The following CDH6 variants were observed in gnomAD, a reference collection of about 807,000 sequenced individuals.
The protein encoded by CDH6 is cadherin 6.
CDH6 carries 31 observed loss-of-function variants against 78.0 expected under a neutral mutation model. That is an observed-to-expected ratio of 0.40 (90% CI 0.30 to 0.54). The LOEUF (loss-of-function observed/expected upper bound fraction) is 0.54, where lower values mean the gene tolerates loss of function less well. CDH6 is among the 20% of genes least tolerant of loss of function. The pLI, the probability that CDH6 is intolerant of heterozygous loss-of-function variation, is 0.56. For synonymous variants in CDH6, 376 were observed against 368.8 expected, an observed-to-expected ratio of 1.02 and a Z score of -0.23; for missense variants, 724 against 975.9, an observed-to-expected ratio of 0.74 and a Z score of 3.44.
chr5:31,284,256 AC>A (rs779981752), intron 2 of CDH6, among the ~76,000 whole-genome samples: 13 of 152,248 alleles, frequency 8.5e-5, no homozygotes, highest in Non-Finnish European at 8.8e-5. Context: ...TCATTTTTCC[AC>A]CCCAGCTATC....
In CDH6 at chr5:31,293,990, G is replaced by A; in HGVS notation, c.257G>A (p.Gly86Glu). 6.2e-7 allele frequency: 1 copy of A among 1,610,188 alleles called. No homozygotes were observed. Among genetic ancestry groups the A allele is most frequent in the Non-Finnish European group, 8.5e-7 (1 of 1,177,914 alleles). ...CATTCAGACCAGGATAGAGGAGATG[G>A]ATCACTTAAATATATCCTTTCAGGA... Reference protein sequence around the residue: ...KLHSDQDRGDGSLKYILSGDG... With the variant: ...KLHSDQDRGDESLKYILSGDG... Residue 86 changes from glycine to glutamate, a missense_variant, in exon 3 of 12, where the codon GGA becomes GAA. Around this residue, in one of 3 missense-constraint regions of CDH6, gnomAD observed 446 missense variants for 684.5 expected, o/e 0.65. Transcript: ENST00000265071.
chr5:31,278,198 G>A (rs954944416), intron 2 of CDH6, among the ~76,000 whole-genome samples: 2 of 152,150 alleles, frequency 1.3e-5, no homozygotes, highest in Non-Finnish European at 2.9e-5. Context: ...AAAATCTAAT[G>A]TCTTTAAAGT....
At chr5:31,238,703 G>A (rs1221537891) in intron 1 of CDH6, among the ~76,000 whole-genome samples, 1 of 152,096 alleles carries the variant, frequency 6.6e-6, no homozygotes, top group African/African-American at 2.4e-5. Flanking sequence ...TCAAAATCTG[G>A]TGTGTATGTT....
intron 7 of CDH6, among the ~76,000 whole-genome samples, chr5:31,310,540 G>A (rs762901267): frequency 6.6e-6 from 1 of 152,172 alleles, no homozygotes; most frequent in East Asian, 1.9e-4. Context: ...GACTCTGTGT[G>A]GGGGCTCCAA....
intron 1 of CDH6, among the ~76,000 whole-genome samples, chr5:31,241,004 T>G (rs1446494689): frequency 6.6e-6 from 1 of 152,222 alleles, no homozygotes; most frequent in African/African-American, 2.4e-5. Context: ...GCTTTTTCAG[T>G]TCCTTGGCCT....
At position 31,328,061 on chromosome 5, in the gene CDH6, A is replaced by G; in HGVS notation, c.*4753A>G. On this transcript the variant is annotated 3_prime_UTR_variant, in exon 12 of 12. Transcript: ENST00000265071. ...AGATGAAAGTGTTGAAAAGAGGTCA[A>G]ATGGAAACAAAGGCTCTTACCCGCT... The G allele has an allele frequency of 4.6e-6, 1 of 219,724 alleles. No individual in the cohort carries two copies. 13.6% of individuals were successfully genotyped at this position (219,724 alleles called of 1,614,324 possible).
chr5:31,266,777 G>A (rs937629490), intron 1 of CDH6, among the ~76,000 whole-genome samples: 2 of 152,144 alleles, frequency 1.3e-5, no homozygotes, highest in Admixed American at 6.6e-5. Context: ...CGAAAAGAAG[G>A]TGTATGGTCT....
chr5:31,320,259 A>G (rs1041151111), intron 11 of CDH6, among the ~76,000 whole-genome samples: 13 of 152,374 alleles, frequency 8.5e-5, no homozygotes, highest in Admixed American at 4.6e-4. Context: ...TGGGCTAATG[A>G]GAAAAGATAT....
intron 1 of CDH6, among the ~76,000 whole-genome samples, chr5:31,208,581 T>A (rs138814903): frequency 3.7e-4 from 56 of 152,366 alleles, no homozygotes; most frequent in African/African-American, 1.2e-3. Flanking sequence ...ATTGAATTGT[T>A]TACAGTTTTT....
chr5:31,265,725 A>G (rs1579864138), intron 1 of CDH6, among the ~76,000 whole-genome samples: 1 of 149,270 alleles, frequency 6.7e-6, no homozygotes, highest in East Asian at 2.0e-4. Context: ...ATTACAAAAC[A>G]CTTCCTTTTT....
At chr5:31,269,705 C>T (rs1742467642) in intron 2 of CDH6, among the ~76,000 whole-genome samples, 1 of 152,202 alleles carries the variant, frequency 6.6e-6, no homozygotes, top group Non-Finnish European at 1.5e-5. Flanking sequence ...ATTAACAAAG[C>T]TCAGTGGAAA....
At chr5:31,250,458 C>T (rs1741878371) in intron 1 of CDH6, 1 of 152,368 alleles carries the variant, frequency 6.6e-6, no homozygotes, top group Admixed American at 6.5e-5. Context: ...TCCACCTCTT[C>T]TGACACTTAG....
In CDH6 at chr5:31,293,962, T is replaced by C. The variant is rs72749696; in HGVS notation, c.229T>C (p.Leu77=). The C allele has an allele frequency of 0.022, 34,412 of 1,573,668 alleles. 483 individuals carry two copies. Among genetic ancestry groups the C allele is most frequent in the Non-Finnish European group, 0.026 (30,032 of 1,160,944 alleles). ...CTTTAATTTTTTTTTTCTACACTAG[T>C]TACATTCAGACCAGGATAGAGGAGA... ...TGSDYQYVGK[L]HSDQDRGDGS... Residue 77 remains leucine, a splice_region_variant and synonymous_variant, in exon 3 of 12, where the codon TTA becomes CTA. Coordinates refer to ENST00000265071, the MANE Select transcript of CDH6 (RefSeq NM_004932.4).
chr5:31,242,703 G>GT (rs1048854742), intron 1 of CDH6, among the ~76,000 whole-genome samples: 10 of 142,128 alleles, frequency 7.0e-5, no homozygotes, highest in African/African-American at 2.6e-4. Flanking sequence ...AATAAGAATG[G>GT]GGGGGGGCGG....
chr5:31,225,334 T>C (rs1451835923), intron 1 of CDH6, among the ~76,000 whole-genome samples: 1 of 152,192 alleles, frequency 6.6e-6, no homozygotes, highest in Non-Finnish European at 1.5e-5. Flanking sequence ...CATGTATTCT[T>C]TGGGCTTGTT....
intron 7 of CDH6, 88 bp from the exon 8 acceptor site, chr5:31,313,230 A>G: frequency 8.4e-7 from 1 of 1,188,024 alleles, no homozygotes; most frequent in South Asian, 1.5e-5. Context: ...CTGGGATATG[A>G]TGTGTACCAG....
chr5:31,292,238 C>T (rs1056959732), intron 2 of CDH6, among the ~76,000 whole-genome samples: 2 of 152,078 alleles, frequency 1.3e-5, no homozygotes, highest in Non-Finnish European at 2.9e-5. Flanking sequence ...ATAAGTTACA[C>T]CCAAAAAGGA....
chr5:31,278,367 G>A (rs1742759408), intron 2 of CDH6, among the ~76,000 whole-genome samples: 1 of 152,180 alleles, frequency 6.6e-6, no homozygotes, highest in African/African-American at 2.4e-5. Flanking sequence ...GGGAACTAAA[G>A]ACAACATGGT....
chr5:31,238,640 G>A (rs1741517873), intron 1 of CDH6, among the ~76,000 whole-genome samples: 1 of 152,202 alleles, frequency 6.6e-6, no homozygotes, highest in African/African-American at 2.4e-5. Context: ...AAAAATAGAT[G>A]TAAAAGTTTT....
Sources: allele counts gnomAD v4.1 joint callset (sites outside exome capture counted in the v4.1 genomes callset), GRCh38; gene constraint gnomAD v4.1.1; regional missense constraint gnomAD v4.1.1; transcripts MANE v1.5; gene names NCBI Gene and HGNC (gene_info 2026-07-23, HGNC 2026-07-21).